INCENP: variants seen among roughly 807,000 people sequenced by gnomAD.
INCENP encodes binds and activates aurora-B and -C in vivo and in vitro.
In INCENP, 43 loss-of-function variants were observed where a neutral mutation model predicts 107.3. That is an observed-to-expected ratio of 0.40 (90% CI 0.31 to 0.52). The LOEUF (loss-of-function observed/expected upper bound fraction) is 0.52, where lower values mean the gene tolerates loss of function less well. Among genes scored for constraint, INCENP ranks in the 20% least tolerant of loss-of-function variants. The probability of loss-of-function intolerance (pLI) is 0.53; values close to 1 mark genes in which losing one functional copy is unlikely to be tolerated. For synonymous variants in INCENP, 488 were observed against 494.4 expected, an observed-to-expected ratio of 0.99 and a Z score of 0.17; for missense variants, 1,089 against 1,250.9, an observed-to-expected ratio of 0.87 and a Z score of 1.95.
intron 4 of INCENP, among the ~76,000 whole-genome samples, chr11:62,136,606 A>G (rs928711876): frequency 6.6e-6 from 1 of 152,188 alleles, no homozygotes; most frequent in Non-Finnish European, 1.5e-5. Context: ...CCTTGAACCC[A>G]TGAGGTGGAG....
At chr11:62,140,315 ACT>A in intron 8 of INCENP, 30 bp downstream of exon 8, 2 of 1,591,262 alleles carry the variant, frequency 1.3e-6, no homozygotes, top group Non-Finnish European at 1.7e-6. Context: ...TGTGTAGGTA[ACT>A]CTGAGGGCCC....
rs7129085 is a variant in INCENP, at chr11:62,145,724, G to T, written c.1932G>T (p.Glu644Asp). The T allele has an allele frequency of 0.56, 870,041 of 1,555,540 alleles. 260,369 individuals are homozygous for T. The highest frequency in any genetic ancestry group is 0.62 in the Non-Finnish European group (718,343 of 1,149,720). Reference sequence around the variant, plus strand: ...AAGCACGCAGGAAGCAGGAAGAGGAGGCACGTAGGCTCAGGTGGCTGCAGC... The same window carrying T: ...AAGCACGCAGGAAGCAGGAAGAGGATGCACGTAGGCTCAGGTGGCTGCAGC... ...EVEARRKQEE[E>D]ARRLRWLQQE... Residue 644 changes from glutamate to aspartate, a missense_variant, in exon 14 of 19, where the codon GAG (glutamate) becomes GAT (aspartate). Coordinates refer to ENST00000394818, the MANE Select transcript of INCENP (RefSeq NM_001040694.2).
chr11:62,146,515 C>T lies in INCENP; in HGVS notation c.1960-143C>T, dbSNP rs1428861763. ...CTGGTGGTTCTGGCAGAGCCTTGCT[C>T]GGGATGTCCCACGGCGCCATTCCTG... On this transcript the variant is annotated intron_variant, in intron 14 of 18. Coordinates refer to ENST00000394818, the MANE Select transcript of INCENP (RefSeq NM_001040694.2). The T allele has an allele frequency of 3.4e-5, 43 of 1,267,676 alleles. 1 individual carries two copies. The South Asian group carries it at 5.9e-4, about 17-fold the overall frequency. The allele number at this position is 1,267,676 out of a possible 1,614,324, so 78.5% of individuals were successfully genotyped here.
intron 11 of INCENP, among the ~76,000 whole-genome samples, chr11:62,142,332 C>T (rs1045474894): frequency 6.6e-6 from 1 of 152,256 alleles, no homozygotes; most frequent in Non-Finnish European, 1.5e-5. Flanking sequence ...CTGGCTTCTC[C>T]GCATGGAGGC....
intron 15 of INCENP, among the ~76,000 whole-genome samples, chr11:62,147,951 G>A (rs1944289594): frequency 6.6e-6 from 1 of 152,124 alleles, no homozygotes; most frequent in Non-Finnish European, 1.5e-5. Flanking sequence ...GTCCTCAGTT[G>A]AAGCCCATGG....
At position 62,148,828 on chromosome 11, in the gene INCENP, TG is replaced by T; in HGVS notation, c.2374del (p.Val792Ter). On this transcript the variant is annotated frameshift_variant, in exon 17 of 19. Coordinates refer to ENST00000394818, the MANE Select transcript of INCENP (RefSeq NM_001040694.2). LOFTEE classifies it high-confidence loss of function. Reference protein sequence around the residue: ...EAAGASKALNVTVDVQSPACT... With the variant: ...EAAGASKALNXTVDVQSPACT... Reference sequence around the variant, plus strand: ...CAGCAGGGGCCAGCAAGGCCCTGAATGTGACTGTGGACGTGCAGGTGCCACC... The same window carrying T: ...CAGCAGGGGCCAGCAAGGCCCTGAATTGACTGTGGACGTGCAGGTGCCACC... 1 of 1,607,506 alleles carries T rather than the reference TG, an allele frequency of 6.2e-7. No homozygotes were observed.
intron 5 of INCENP, 139 bp from the exon 6 acceptor site, chr11:62,138,574 G>A: frequency 1.5e-6 from 1 of 667,986 alleles, no homozygotes; most frequent in Non-Finnish European, 2.6e-6. Flanking sequence ...TCCTACAGGG[G>A]GCTGTGGGTT....
chr11:62,140,844 C>G (rs1565097706), intron 9 of INCENP, 23 bp downstream of exon 9: 11 of 1,613,674 alleles, frequency 6.8e-6, no homozygotes, highest in South Asian at 4.4e-5. Context: ...CCTGCCCTCT[C>G]CTGGAGCCCT....
intron 1 of INCENP, among the ~76,000 whole-genome samples, chr11:62,127,195 A>G (rs1455058726): frequency 6.6e-6 from 1 of 151,874 alleles, no homozygotes; most frequent in Non-Finnish European, 1.5e-5. Flanking sequence ...CACCACCATG[A>G]CCAGCTAATT....
At chr11:62,145,356 T>G in intron 13 of INCENP, 67 bp downstream of exon 13, 1 of 1,597,226 alleles carries the variant, frequency 6.3e-7, no homozygotes, top group Admixed American at 1.8e-5. Flanking sequence ...ACTGGACCCC[T>G]CAGGAAATTG....
chr11:62,141,091 T>A (rs777734862), intron 10 of INCENP, 47 bp downstream of exon 10: 2 of 1,581,190 alleles, frequency 1.3e-6, no homozygotes, highest in South Asian at 2.3e-5. Context: ...CTGGGCAGTG[T>A]GGCTGAAGGT....
intron 4 of INCENP, among the ~76,000 whole-genome samples, chr11:62,134,915 G>T (rs1037877383): frequency 6.6e-6 from 1 of 152,144 alleles, no homozygotes; most frequent in Non-Finnish European, 1.5e-5. Flanking sequence ...TCTGGGCGTG[G>T]TGGCACGTGC....
chr11:62,128,047 G>A, intron 1 of INCENP, 104 bp from the exon 2 acceptor site: 2 of 1,139,450 alleles, frequency 1.8e-6, no homozygotes, highest in South Asian at 1.4e-5. Flanking sequence ...CGGGCACTGG[G>A]TGTTTGTGGT....
rs1944218385 is a variant in INCENP at position 62,145,283 on chromosome 11, T to C, written c.1830T>C (p.Thr610=). 4 of 1,613,758 alleles carry C rather than the reference T, an allele frequency of 2.5e-6. No individual in the cohort carries two copies. Among genetic ancestry groups the C allele is most frequent in the Non-Finnish European group, 3.4e-6 (4 of 1,179,996 alleles). Residue 610 remains threonine (T), a synonymous_variant, in exon 13 of 19, where the codon ACT becomes ACC. Coordinates refer to ENST00000394818, the MANE Select transcript of INCENP (RefSeq NM_001040694.2). The part of the protein sequence containing the change: ...EQKFAQIDEK[T]EKAKEERLAE... ...AGTTTGCTCAGATCGACGAGAAGAC[T>C]GAGAAGGTGGGAGCCTGGGCTGTGG...
chr11:62,144,899 C>G, intron 11 of INCENP, 83 bp from the exon 12 acceptor site: 3 of 1,262,750 alleles, frequency 2.4e-6, no homozygotes, highest in Non-Finnish European at 3.4e-6. Flanking sequence ...CTGCAGGCTG[C>G]TGGGGACTGT....
At chr11:62,125,574 T>A (rs1256762074) in intron 1 of INCENP, among the ~76,000 whole-genome samples, 1 of 152,224 alleles carries the variant, frequency 6.6e-6, no homozygotes, top group African/African-American at 2.4e-5. Context: ...TCCTGCCCAT[T>A]TGGCCCTGCC....
At chr11:62,131,841 G>A (rs1168785443) in intron 4 of INCENP, among the ~76,000 whole-genome samples, 1 of 151,846 alleles carries the variant, frequency 6.6e-6, no homozygotes, top group African/African-American at 2.4e-5. Flanking sequence ...GCAATGGCAC[G>A]ATCTCGGCTC....
At chr11:62,143,502 G>T (rs1944169441) in intron 11 of INCENP, among the ~76,000 whole-genome samples, 3 of 152,008 alleles carry the variant, frequency 2.0e-5, no homozygotes. Context: ...TTCCCTATCT[G>T]CCTGCTCCTC....
rs577979135 is a variant in INCENP at position 62,149,953 on chromosome 11, T to A, written c.2392-104T>A. 2.3e-5 allele frequency: 26 copies of A among 1,138,334 alleles called. 1 individual carries two copies. The South Asian group carries it at 3.0e-4, about 13-fold the overall frequency. 70.5% of individuals were successfully genotyped at this position (1,138,334 alleles called of 1,614,324 possible). ...AGAAAAAGTGATCCTGCACCTTTTG[T>A]TTCTCCTGTGAAATAGGAGGAGGTG... On this transcript the variant is annotated intron_variant, in intron 17 of 18. Coordinates refer to ENST00000394818, the MANE Select transcript of INCENP (RefSeq NM_001040694.2).
Sources: gnomAD v4.1 joint callset for allele counts (sites outside exome capture counted in the v4.1 genomes callset) on GRCh38, gnomAD v4.1.1 for gene constraint, MANE v1.5 for transcripts, NCBI Gene and HGNC (gene_info 2026-07-23, HGNC 2026-07-21) for gene names.